Variants in DLG2 observed in about 807,000 individuals in gnomAD.
DLG2 encodes discs large MAGUK scaffold protein 2, also known as disks large homolog 2.
A neutral mutation model predicts 132.5 loss-of-function variants in DLG2; 45 were observed. The observed-to-expected ratio is 0.34, with a 90% confidence interval of 0.27 to 0.44. The LOEUF is 0.44. Ranked by LOEUF, DLG2 falls within the 20% of genes least tolerant of loss-of-function variation. The pLI is 1.00. For synonymous variants in DLG2, 424 were observed against 419.6 expected (o/e 1.01, Z -0.13); for missense variants, 1,045 against 1,196.9 (o/e 0.87, Z 1.87).
chr11:84,810,991 A>C (rs2076491484), intron 6 of DLG2, among the ~76,000 whole-genome samples: 1 of 152,110 alleles, frequency 6.6e-6, no homozygotes, highest in African/African-American at 2.4e-5. Context: ...GTGATAAAGA[A>C]AGTTATCTTC....
At chr11:84,282,804 G>A (rs1292103908) in intron 7 of DLG2, among the ~76,000 whole-genome samples, 1 of 152,078 alleles carries the variant, frequency 6.6e-6, no homozygotes, top group Non-Finnish European at 1.5e-5. Context: ...GTAAGATCTT[G>A]GTTCAGTCAT....
intron 7 of DLG2, among the ~76,000 whole-genome samples, chr11:84,523,331 A>C (rs1306756897): frequency 6.6e-6 from 1 of 152,200 alleles, no homozygotes; most frequent in African/African-American, 2.4e-5. Flanking sequence ...AGAAGTTAAT[A>C]GATTTACTAA....
In DLG2 at chr11:84,522,420, A is replaced by T. The variant is rs545540178; in HGVS notation, c.519+12150T>A. On this transcript the variant is annotated intron_variant, in intron 7 of 27. Coordinates refer to ENST00000376104, the MANE Select transcript of DLG2 (RefSeq NM_001142699.3). ...TGGGGAGTTGTTCTGTTCTATGTAAAGGAACTTCAGTAACTGTCTCTTGAA... is the reference window on the plus strand; with the variant it reads ...TGGGGAGTTGTTCTGTTCTATGTAATGGAACTTCAGTAACTGTCTCTTGAA... 2.0e-3 allele frequency among the ~76,000 whole-genome samples: 300 copies of T among 152,236 alleles called. 2 individuals carry two copies. The highest frequency in any genetic ancestry group is 6.8e-3 in the African/African-American group (282 of 41,546).
At chr11:84,183,514 C>T (rs1259174969) in intron 8 of DLG2, among the ~76,000 whole-genome samples, 1 of 152,054 alleles carries the variant, frequency 6.6e-6, no homozygotes, top group African/African-American at 2.4e-5. Context: ...AGCAGCTCAA[C>T]AGTAGATTTG....
At chr11:83,771,196 A>G (rs1461481760) in intron 18 of DLG2, among the ~76,000 whole-genome samples, 1 of 152,098 alleles carries the variant, frequency 6.6e-6, no homozygotes, top group Non-Finnish European at 1.5e-5. Flanking sequence ...CTGCAATTTT[A>G]TAGATAATTG....
At chr11:85,576,448 A>C (rs1449004200) in intron 3 of DLG2, among the ~76,000 whole-genome samples, 2 of 152,188 alleles carry the variant, frequency 1.3e-5, no homozygotes, top group African/African-American at 4.8e-5. Flanking sequence ...TAAAATTTCT[A>C]CTGAATTAAC....
At chr11:85,421,921 G>C (rs939121748) in intron 3 of DLG2, among the ~76,000 whole-genome samples, 1 of 152,132 alleles carries the variant, frequency 6.6e-6, no homozygotes, top group Non-Finnish European at 1.5e-5. Flanking sequence ...TCCGAAAAAG[G>C]CTGCATCTTT....
chr11:85,518,582 A>G (rs1205699805), intron 3 of DLG2, among the ~76,000 whole-genome samples: 2 of 152,210 alleles, frequency 1.3e-5, no homozygotes, highest in Non-Finnish European at 2.9e-5. Flanking sequence ...AAAGTTTGGA[A>G]AATTTGCAGC....
At chr11:84,703,113 G>A (rs2059376806) in intron 6 of DLG2, among the ~76,000 whole-genome samples, 1 of 151,318 alleles carries the variant, frequency 6.6e-6, no homozygotes, top group Admixed American at 6.6e-5. Flanking sequence ...ACTTAAAAGG[G>A]GCTTACCTTA....
At position 83,844,983 on chromosome 11, in the gene DLG2, T is replaced by C. The variant is rs548098807; in HGVS notation, c.1566-11213A>G. 9.2e-5 allele frequency among the ~76,000 whole-genome samples: 14 copies of C among 152,280 alleles called. 1 individual carries two copies. Among genetic ancestry groups the C allele is most frequent in the African/African-American group, 3.1e-4 (13 of 41,552 alleles). On this transcript the variant is annotated intron_variant, in intron 16 of 27. Transcript: ENST00000376104. ...TAGCACATTCTGGTATCTTGAGTAGTTACATTTTGCATCATATATTAAAAA... is the reference window on the plus strand; with the variant it reads ...TAGCACATTCTGGTATCTTGAGTAGCTACATTTTGCATCATATATTAAAAA...
intron 15 of DLG2, among the ~76,000 whole-genome samples, chr11:83,883,057 C>T (rs960761317): frequency 6.6e-6 from 1 of 152,092 alleles, no homozygotes; most frequent in Non-Finnish European, 1.5e-5. Context: ...CATGTTTGTC[C>T]CAGCATGCTT....
chr11:83,885,573 A>G lies in DLG2; in HGVS notation c.1497-11085T>C, dbSNP rs539855986. Among the ~76,000 whole-genome samples, 1,520 of 152,296 alleles carry G rather than the reference A, an allele frequency of 1.0e-2. 18 individuals carry two copies. Among genetic ancestry groups the G allele is most frequent in the Middle Eastern group, 0.044 (13 of 294 alleles). On this transcript the variant is annotated intron_variant, in intron 15 of 27. Transcript: ENST00000376104. ...CCCCAATCTAGCAAGGCAGGCCAAC[A>G]TTCAGATTCAGGAAATACAGAGAAC...
chr11:85,157,132 C>A (rs1487192369), intron 4 of DLG2, among the ~76,000 whole-genome samples: 1 of 152,106 alleles, frequency 6.6e-6, no homozygotes, highest in Non-Finnish European at 1.5e-5. Flanking sequence ...CATCCTTCTC[C>A]CATGCTGGAT....
At chr11:84,103,815 G>GTT (rs1566511807) in intron 9 of DLG2, among the ~76,000 whole-genome samples, 1 of 151,898 alleles carries the variant, frequency 6.6e-6, no homozygotes, top group Non-Finnish European at 1.5e-5. Flanking sequence ...TCAAAATGGG[G>GTT]TTATATATAA....
intron 21 of DLG2, among the ~76,000 whole-genome samples, chr11:83,487,751 TAGTC>T (rs1225163386): frequency 7.2e-5 from 11 of 152,192 alleles, no homozygotes; most frequent in African/African-American, 2.4e-4. Flanking sequence ...ATTTTTGTGA[TAGTC>T]ATTCATATTT....
chr11:84,779,231 C>T (rs537178237), intron 6 of DLG2, among the ~76,000 whole-genome samples: 17 of 152,026 alleles, frequency 1.1e-4, no homozygotes, highest in African/African-American at 4.1e-4. Flanking sequence ...TGTATATATA[C>T]ACACACACAT....
chr11:83,820,841 G>C (rs2050583860), intron 17 of DLG2, among the ~76,000 whole-genome samples: 1 of 152,130 alleles, frequency 6.6e-6, no homozygotes, highest in Non-Finnish European at 1.5e-5. Flanking sequence ...TCTCTGGTAA[G>C]TTATTCATCC....
At chr11:83,749,920 T>C (rs2093191845) in intron 18 of DLG2, among the ~76,000 whole-genome samples, 1 of 152,200 alleles carries the variant, frequency 6.6e-6, no homozygotes, top group African/African-American at 2.4e-5. Flanking sequence ...AATTATGCTG[T>C]TACTAATCAA....
At chr11:85,303,960 G>A (rs746675086) in intron 3 of DLG2, among the ~76,000 whole-genome samples, 4 of 152,192 alleles carry the variant, frequency 2.6e-5, no homozygotes, top group Non-Finnish European at 2.9e-5. Context: ...TTTCCAGGAC[G>A]TAATGAAATG....
Sources: gnomAD v4.1 joint callset for allele counts (sites outside exome capture counted in the v4.1 genomes callset) on GRCh38, gnomAD v4.1.1 for gene constraint, MANE v1.5 for transcripts, NCBI Gene and HGNC (gene_info 2026-07-23, HGNC 2026-07-21) for gene names.